Variants in LARGE1 observed in about 807,000 individuals in gnomAD.
LARGE1 encodes LARGE xylosyl- and glucuronyltransferase 1, also known as xylosyl- and glucuronyltransferase LARGE1.
A neutral mutation model predicts 87.6 loss-of-function variants in LARGE1; 43 were observed. The ratio of observed to expected loss-of-function variants is 0.49; its 90% CI spans 0.38 to 0.63. The LOEUF (loss-of-function observed/expected upper bound fraction) is 0.63, where lower values mean the gene tolerates loss of function less well. Ranked by LOEUF, LARGE1 falls within the 30% of genes least tolerant of loss-of-function variation. The pLI, the probability that LARGE1 is intolerant of heterozygous loss-of-function variation, is 0.00. For missense variants in LARGE1, 802 were observed against 1,000.2 expected (o/e 0.80, Z 2.67); for synonymous variants, 434 against 394.6 (o/e 1.10, Z -1.18).
At chr22:33,244,768 G>A (rs990536169) in intron 11 of LARGE1, among the ~76,000 whole-genome samples, 1 of 152,054 alleles carries the variant, frequency 6.6e-6, no homozygotes, top group Non-Finnish European at 1.5e-5. Context: ...TTACAAGAAA[G>A]GATGTTGAAG....
At chr22:33,658,639 T>C (rs2081037382) in intron 2 of LARGE1, among the ~76,000 whole-genome samples, 1 of 152,244 alleles carries the variant, frequency 6.6e-6, no homozygotes, top group African/African-American at 2.4e-5. Context: ...TATGGCTGCA[T>C]AGTATTCCAT....
intron 9 of LARGE1, among the ~76,000 whole-genome samples, chr22:33,345,661 C>T (rs1939661687): frequency 6.6e-6 from 1 of 152,152 alleles, no homozygotes; most frequent in East Asian, 1.9e-4. Context: ...AGAAAATTGA[C>T]AGAAATTGAT....
At chr22:33,789,071 C>T (rs1271230599) in intron 1 of LARGE1, among the ~76,000 whole-genome samples, 3 of 152,202 alleles carry the variant, frequency 2.0e-5, no homozygotes, top group Admixed American at 6.5e-5. Context: ...CAGAGGTCTT[C>T]ACAGCAGCCC....
chr22:33,651,120 C>T (rs1020928147), intron 2 of LARGE1, among the ~76,000 whole-genome samples: 16 of 151,074 alleles, frequency 1.1e-4, no homozygotes, highest in Admixed American at 4.0e-4. Context: ...CAGTGGCTCA[C>T]GCCTGTGATC....
chr22:33,478,778 C>T (rs1183015915), intron 6 of LARGE1, among the ~76,000 whole-genome samples: 1 of 143,956 alleles, frequency 6.9e-6, no homozygotes, highest in Non-Finnish European at 1.5e-5. Flanking sequence ...TTTCTTTCTT[C>T]TCTTAGTTCC....
chr22:33,684,413 T>G (rs1216048559), intron 2 of LARGE1, among the ~76,000 whole-genome samples: 1 of 152,078 alleles, frequency 6.6e-6, no homozygotes, highest in East Asian at 1.9e-4. Context: ...CCACAGGCCC[T>G]GATCTGCCCC....
At chr22:33,522,427 G>A (rs2071651120) in intron 6 of LARGE1, among the ~76,000 whole-genome samples, 1 of 152,150 alleles carries the variant, frequency 6.6e-6, no homozygotes, top group African/African-American at 2.4e-5. Flanking sequence ...TATCTCTGGT[G>A]CATGCCTGTA....
chr22:33,318,040 G>C (rs1936344990), intron 10 of LARGE1, among the ~76,000 whole-genome samples: 1 of 152,056 alleles, frequency 6.6e-6, no homozygotes, highest in Non-Finnish European at 1.5e-5. Context: ...TTTAAGACCA[G>C]CTTGGCCAAG....
At chr22:33,671,455 T>C (rs562449793) in intron 2 of LARGE1, among the ~76,000 whole-genome samples, 2 of 152,348 alleles carry the variant, frequency 1.3e-5, no homozygotes, top group South Asian at 2.1e-4. Flanking sequence ...GTATGTGTGT[T>C]TCATACTCTA....
the LARGE1 span, among the ~76,000 whole-genome samples, chr22:33,090,276 G>A: frequency 6.6e-6 from 1 of 152,168 alleles, no homozygotes; most frequent in East Asian, 1.9e-4. Context: ...CCATCTTAGT[G>A]AGGTGAGTTG....
Position 33,829,001 on chromosome 22 carries a change from TTTTTC to T in LARGE1, c.-82-67448_-82-67444del, listed in dbSNP as rs1368335031. ...TCTCAGAGATGCTTTGTGAAGTCTC[TTTTTC>T]TTTTTTTTTTTTTTTTTTTTTTGAG... On this transcript the variant is annotated intron_variant, in intron 1 of 14. Transcript: ENST00000397394. 9.3e-4 allele frequency among the ~76,000 whole-genome samples: 111 copies of T among 119,634 alleles called. 1 individual carries two copies. The highest frequency in any genetic ancestry group is 2.7e-3 in the East Asian group (9 of 3,288). The allele number at this position is 119,634 out of a possible 152,430, so 78.5% of individuals were successfully genotyped here.
chr22:33,510,633 T>C (rs1322370518), intron 6 of LARGE1, among the ~76,000 whole-genome samples: 1 of 152,200 alleles, frequency 6.6e-6, no homozygotes, highest in Non-Finnish European at 1.5e-5. Flanking sequence ...TGGGGTGCAA[T>C]GATGCAATCT....
In LARGE1 at chr22:33,843,976, G is replaced by A. The variant is rs566105313; in HGVS notation, c.-83+76019C>T. 1.8e-3 allele frequency among the ~76,000 whole-genome samples: 273 copies of A among 152,022 alleles called. No individual in the cohort carries two copies. The South Asian group carries it at 0.02, about 11-fold the overall frequency. ...AACCTATAATCCCAGCTAGTTGGGA[G>A]GCTGAGGCAGGAGAATCGCTTGAAC... On this transcript the variant is annotated intron_variant, in intron 1 of 14. Coordinates refer to ENST00000397394, the MANE Select transcript of LARGE1 (RefSeq NM_133642.5).
intron 6 of LARGE1, among the ~76,000 whole-genome samples, chr22:33,548,484 C>G (rs1013162114): frequency 6.6e-6 from 1 of 152,110 alleles, no homozygotes; most frequent in Non-Finnish European, 1.5e-5. Context: ...GGCTCAATCT[C>G]TGCTCACTGC....
intron 2 of LARGE1, among the ~76,000 whole-genome samples, chr22:33,683,813 A>C (rs1007950821): frequency 1.3e-5 from 2 of 152,200 alleles, no homozygotes; most frequent in Admixed American, 6.5e-5. Context: ...TTGACTATAC[A>C]ACACCAAGAA....
the LARGE1 span, among the ~76,000 whole-genome samples, chr22:33,154,850 T>C: frequency 2.0e-5 from 3 of 152,354 alleles, no homozygotes; most frequent in African/African-American, 7.2e-5. Flanking sequence ...CCATGTGTCA[T>C]GGGAGGAACC....
chr22:33,693,274 A>T (rs6518835), intron 2 of LARGE1, among the ~76,000 whole-genome samples: 73,438 of 151,884 alleles, frequency 0.48, 18,666 homozygotes, highest in Middle Eastern at 0.68. Context: ...AGTGAGAGCC[A>T]AAAAACTACC....
chr22:33,920,823 G>A (rs898560908), upstream of LARGE1, among the ~76,000 whole-genome samples: 34 of 144,882 alleles, frequency 2.3e-4, 1 homozygote, highest in East Asian at 1.8e-3. Context: ...GGCGGCCGCT[G>A]CAGCCGCCGC....
In LARGE1 at chr22:33,334,422, A is replaced by C. The variant is rs1441249112; in HGVS notation, c.1287+3224T>G. 7.6e-5 allele frequency among the ~76,000 whole-genome samples: 4 copies of C among 52,878 alleles called. 1 individual carries two copies. Among genetic ancestry groups the C allele is most frequent in the South Asian group, 1.4e-3 (2 of 1,436 alleles). 34.7% of individuals were successfully genotyped at this position (52,878 alleles called of 152,430 possible). A position where few individuals can be genotyped will look rare whatever the true frequency, so the allele number is the denominator to read the frequency against. Reference sequence around the variant, plus strand: ...AAGACTCTGTCTCAAAAAAAAAAAAACAAAAAAAAAAAACACCAAACAAAA... The same window carrying C: ...AAGACTCTGTCTCAAAAAAAAAAAACCAAAAAAAAAAAACACCAAACAAAA... On this transcript the variant is annotated intron_variant, in intron 10 of 14. Transcript: ENST00000397394.
Sources: allele counts gnomAD v4.1 joint callset (sites outside exome capture counted in the v4.1 genomes callset), GRCh38; gene constraint gnomAD v4.1.1; transcripts MANE v1.5; gene names NCBI Gene and HGNC (gene_info 2026-07-23, HGNC 2026-07-21).